The following ETV1 variants were observed in gnomAD, a reference collection of about 807,000 sequenced individuals.
The protein encoded by ETV1 is ETS translocation variant 1.
In ETV1, 27 loss-of-function variants were observed where a neutral mutation model predicts 62.3. The ratio of observed to expected loss-of-function variants is 0.43; its 90% confidence interval spans 0.32 to 0.60. The LOEUF (loss-of-function observed/expected upper bound fraction) is 0.60. Ranked by LOEUF, ETV1 falls within the 20% of genes least tolerant of loss-of-function variation. The pLI is 0.06. For synonymous variants in ETV1, 222 were observed against 199.6 expected (o/e 1.11, Z -0.94); for missense variants, 605 against 605.8 (o/e 1.00, Z 0.01).
At chr7:13,925,930 A>T (rs1216930037) in intron 9 of ETV1, among the ~76,000 whole-genome samples, 1 of 152,104 alleles carries the variant, frequency 6.6e-6, no homozygotes, top group East Asian at 1.9e-4. Flanking sequence ...AAAATATAAA[A>T]TATTAATACT....
At chr7:13,977,342 G>T in intron 6 of ETV1, 85 bp downstream of exon 6, 2 of 864,248 alleles carry the variant, frequency 2.3e-6, no homozygotes, top group Non-Finnish European at 3.7e-6. Flanking sequence ...CAAGACACTG[G>T]ACGTGAAAAC....
chr7:13,892,349 T>A lies in ETV1; in HGVS notation c.*3517A>T, dbSNP rs1026438925. Reference sequence around the variant, plus strand: ...TTGATGTGATTACCAGACATTTTAGTGGAATAGTTGAAATTTAATATAGAA... The same window carrying A: ...TTGATGTGATTACCAGACATTTTAGAGGAATAGTTGAAATTTAATATAGAA... On this transcript the variant is annotated 3_prime_UTR_variant, in exon 14 of 14. Coordinates refer to ENST00000430479, the MANE Select transcript of ETV1 (RefSeq NM_004956.5). The A allele has an allele frequency of 1.3e-5, 3 of 232,634 alleles. No homozygotes were observed. Among genetic ancestry groups the A allele is most frequent in the Non-Finnish European group, 2.5e-5 (3 of 117,784 alleles). The allele number at this position is 232,634 out of a possible 1,614,324, so 14.4% of individuals were successfully genotyped here. A position where few individuals can be genotyped will look rare whatever the true frequency, so the allele number is the denominator to read the frequency against.
At position 13,927,160 on chromosome 7, in the gene ETV1, T is replaced by C. The variant is rs1286259441; in HGVS notation, c.802+4342A>G. On this transcript the variant is annotated intron_variant, in intron 9 of 13. Transcript: ENST00000430479. ...CTGAGTTAACTGACTTAGAAAATGCTTTTTACGGCAGGGTGCAGTGGCTCA... is the reference window on the plus strand; with the variant it reads ...CTGAGTTAACTGACTTAGAAAATGCCTTTTACGGCAGGGTGCAGTGGCTCA... Among the ~76,000 whole-genome samples the C allele has an allele frequency of 2.0e-5, 3 of 152,172 alleles. No homozygotes were observed. The East Asian group carries it at 5.8e-4, about 29-fold the overall frequency.
intron 9 of ETV1, among the ~76,000 whole-genome samples, chr7:13,930,852 G>A (rs982046486): frequency 1.3e-5 from 2 of 151,832 alleles, no homozygotes; most frequent in East Asian, 3.9e-4. Flanking sequence ...CCAGGCTGGA[G>A]TGCAGTGGTG....
chr7:13,983,846 C>T (rs1187005582), intron 5 of ETV1, among the ~76,000 whole-genome samples: 1 of 151,782 alleles, frequency 6.6e-6, no homozygotes, highest in Non-Finnish European at 1.5e-5. Context: ...TATATTTTTA[C>T]AGAGGACTTT....
chr7:13,986,553 G>A (rs550781683), intron 5 of ETV1, 85 bp downstream of exon 5: 8 of 1,588,334 alleles, frequency 5.0e-6, no homozygotes, highest in Middle Eastern at 1.7e-4. Context: ...TAATTGGGCT[G>A]AATATTAAGA....
At chr7:13,907,104 T>G (rs1783053666) in intron 11 of ETV1, among the ~76,000 whole-genome samples, 1 of 152,170 alleles carries the variant, frequency 6.6e-6, no homozygotes, top group African/African-American at 2.4e-5. Flanking sequence ...AAAATTTTAA[T>G]GCAAATATTT....
rs142200094 is a variant in ETV1 at position 13,892,439 on chromosome 7, T to C, written c.*3427A>G. On this transcript the variant is annotated 3_prime_UTR_variant, in exon 14 of 14. Transcript: ENST00000430479. ...CTCAGTGGTAAATAAAAGCAAACTC[T>C]AGTACTTTCAAATCCTAGATCCCTC... 0.014 allele frequency: 3,264 copies of C among 232,806 alleles called. 40 individuals carry two copies. The highest frequency in any genetic ancestry group is 0.019 in the Non-Finnish European group (2,209 of 117,790). 14.4% of individuals were successfully genotyped at this position (232,806 alleles called of 1,614,324 possible).
chr7:13,976,174 A>C (rs1157067545), intron 6 of ETV1, among the ~76,000 whole-genome samples: 1 of 152,194 alleles, frequency 6.6e-6, no homozygotes, highest in African/African-American at 2.4e-5. Flanking sequence ...TCGGATCAAA[A>C]ATAAAGCTAA....
intron 5 of ETV1, among the ~76,000 whole-genome samples, chr7:13,983,131 A>G (rs1167688736): frequency 6.6e-6 from 1 of 152,000 alleles, no homozygotes; most frequent in Non-Finnish European, 1.5e-5. Flanking sequence ...GCAGCACTAA[A>G]CTTGACTCAA....
intron 6 of ETV1, among the ~76,000 whole-genome samples, chr7:13,956,198 T>C (rs1789433615): frequency 6.6e-6 from 1 of 152,242 alleles, no homozygotes; most frequent in South Asian, 2.1e-4. Flanking sequence ...ACTTGTAACC[T>C]AAGAAATGTT....
intron 6 of ETV1, among the ~76,000 whole-genome samples, chr7:13,962,203 G>A (rs201302722): frequency 1.5e-5 from 2 of 133,020 alleles, no homozygotes; most frequent in Non-Finnish European, 3.0e-5. Context: ...ACACACACAC[G>A]TGTGTGTGTG....
At chr7:13,939,376 C>T (rs1010558583) in intron 6 of ETV1, 130 bp from the exon 7 acceptor site, 7 of 721,692 alleles carry the variant, frequency 9.7e-6, no homozygotes, top group African/African-American at 1.8e-5. Context: ...AGAAAAATCA[C>T]GTTTGATGAA....
At chr7:13,989,179 T>A in intron 2 of ETV1, 40 bp from the exon 3 acceptor site, 5 of 717,242 alleles carry the variant, frequency 7.0e-6, no homozygotes, top group Non-Finnish European at 1.1e-5. Context: ...TAAAAAAAAA[T>A]CATGAATGAA....
chr7:13,918,780 C>G (rs1410702717), intron 9 of ETV1, among the ~76,000 whole-genome samples: 2 of 149,588 alleles, frequency 1.3e-5, no homozygotes, highest in South Asian at 2.1e-4. Context: ...TGCTAGATGA[C>G]GAGTTAGTGG....
intron 6 of ETV1, among the ~76,000 whole-genome samples, chr7:13,964,630 C>T (rs977548959): frequency 6.6e-6 from 1 of 152,094 alleles, no homozygotes. Flanking sequence ...CTTCATCCAA[C>T]AAATATACAT....
chr7:13,891,640 T>A lies in ETV1; in HGVS notation c.*4226A>T, dbSNP rs1209863969. 1 of 232,040 alleles carries A rather than the reference T, an allele frequency of 4.3e-6. No homozygotes were observed. Among genetic ancestry groups the A allele is most frequent in the Non-Finnish European group, 8.5e-6 (1 of 117,446 alleles). The allele number at this position is 232,040 out of a possible 1,614,324, so 14.4% of individuals were successfully genotyped here. On this transcript the variant is annotated 3_prime_UTR_variant, in exon 14 of 14. Coordinates refer to ENST00000430479, the MANE Select transcript of ETV1 (RefSeq NM_004956.5). ...AAAAAGAAGTCCTAAAAGTACTAGT[T>A]GAGCTCTGAATAAACTGGGTGAAAT...
In ETV1 at chr7:13,895,955, G is replaced by A; in HGVS notation, c.1345C>T (p.Pro449Ser). The A allele has an allele frequency of 6.2e-7, 1 of 1,613,672 alleles. No individual in the cohort carries two copies. The highest frequency in any genetic ancestry group is 8.5e-7 in the Non-Finnish European group (1 of 1,179,780). Residue 449 changes from proline to serine, a missense_variant, in exon 14 of 14, where the codon CCT becomes TCT. Physicochemically the swap from Pro to Ser is moderately conservative, Grantham distance 74. This residue lies in a region of ETV1 where 79 missense variants were observed against 71.6 expected (regional missense o/e 1.10). Transcript: ENST00000430479. ...ERHINEEDTV[P>S]LSHFDESMAY... is the part of the protein sequence containing the mutation. Reference sequence around the variant, plus strand: ...ATGCTCTCATCAAAGTGAGAAAGAGGCACTGTGTCCTCCTCGTTGATGTGA... The same window carrying A: ...ATGCTCTCATCAAAGTGAGAAAGAGACACTGTGTCCTCCTCGTTGATGTGA...
In ETV1 at chr7:13,895,818, C is replaced by T; in HGVS notation, c.*48G>A. The T allele has an allele frequency of 8.0e-7, 1 of 1,257,358 alleles. No individual in the cohort carries two copies. The highest frequency in any genetic ancestry group is 1.1e-6 in the Non-Finnish European group (1 of 871,070). 77.9% of individuals were successfully genotyped at this position (1,257,358 alleles called of 1,614,324 possible). A position where few individuals can be genotyped will look rare whatever the true frequency, so the allele number is the denominator to read the frequency against. ...AGATTCAGCAATTCTCTGTATCTTG[C>T]AGAAAAAAGGAAAAGCGCAAAAACG... On this transcript the variant is annotated 3_prime_UTR_variant, in exon 14 of 14. Transcript: ENST00000430479.
Sources: allele counts gnomAD v4.1 joint callset (sites outside exome capture counted in the v4.1 genomes callset), GRCh38; gene constraint gnomAD v4.1.1; regional missense constraint gnomAD v4.1.1; transcripts MANE v1.5; gene names NCBI Gene and HGNC (gene_info 2026-07-23, HGNC 2026-07-21).